Variants in OPHN1 observed in about 807,000 individuals in gnomAD.
The protein encoded by OPHN1 is oligophrenin 1.
A neutral mutation model predicts 60.7 loss-of-function variants in OPHN1; 11 were observed. The observed-to-expected ratio is 0.18, with a 90% CI of 0.11 to 0.30. OPHN1 has a LOEUF of 0.30. Ranked by LOEUF, OPHN1 falls within the 10% of genes least tolerant of loss-of-function variation. The pLI, the probability that OPHN1 is intolerant of heterozygous loss-of-function variation, is 1.00. For missense variants in OPHN1, 449 were observed against 611.0 expected (o/e 0.73, Z 2.80); for synonymous variants, 226 against 222.6 (o/e 1.02, Z -0.14).
At chrX:68,225,812 A>T (rs2077688353) in intron 6 of OPHN1, among the ~76,000 whole-genome samples, 1 of 111,892 alleles carries the variant, frequency 8.9e-6, no homozygotes, top group African/African-American at 3.2e-5. Context: ...AAATCAGAGC[A>T]CCTCTTCTCC....
At chrX:68,356,249 T>G (rs1388260532) in intron 2 of OPHN1, among the ~76,000 whole-genome samples, 1 of 110,317 alleles carries the variant, frequency 9.1e-6, no homozygotes, top group African/African-American at 3.3e-5. Context: ...AGTTGAAGGC[T>G]TAAATAGAAC....
intron 1 of OPHN1, 28 bp downstream of exon 1, chrX:68,433,140 A>T (rs1177658422): frequency 1.4e-6 from 1 of 731,578 alleles, no homozygotes; most frequent in Non-Finnish European, 2.0e-6. Context: ...GGAAGCTCAT[A>T]GCCTCCGTCC....
intron 18 of OPHN1, among the ~76,000 whole-genome samples, chrX:68,106,052 G>C (rs1456527369): frequency 9.9e-6 from 1 of 101,465 alleles, no homozygotes; most frequent in Non-Finnish European, 2.0e-5. Flanking sequence ...ATACAAAAAT[G>C]CATGCACACA....
chrX:68,357,507 G>GT (rs1339963103), intron 2 of OPHN1, among the ~76,000 whole-genome samples: 1 of 109,409 alleles, frequency 9.1e-6, no homozygotes, highest in Non-Finnish European at 1.9e-5. Context: ...GCGGCGTTTG[G>GT]TTTTTTGTCC....
chrX:68,400,279 A>G lies in OPHN1; in HGVS notation c.154+32588T>C, dbSNP rs538031676. Among the ~76,000 whole-genome samples the G allele has an allele frequency of 1.5e-3, 165 of 111,528 alleles. 1 individual carries two copies. The highest frequency in any genetic ancestry group is 5.0e-3 in the African/African-American group (154 of 30,731). On this transcript the variant is annotated intron_variant, in intron 2 of 24. Transcript: ENST00000355520. The stretch of plus-strand genomic sequence containing the variant: ...TTGCTTCATTCTTTCTTTGCTTTGC[A>G]GGGCGTTTTGTCCAATTCTTTGTCC...
intron 2 of OPHN1, among the ~76,000 whole-genome samples, chrX:68,414,827 T>C (rs2078786212): frequency 8.9e-6 from 1 of 111,989 alleles, no homozygotes; most frequent in Non-Finnish European, 1.9e-5. Flanking sequence ...CTCAATTTCC[T>C]AGACAGAGAA....
At chrX:68,387,664 TTAA>T (rs1227922321) in intron 2 of OPHN1, among the ~76,000 whole-genome samples, 1 of 111,754 alleles carries the variant, frequency 8.9e-6, no homozygotes, top group Non-Finnish European at 1.9e-5. Flanking sequence ...ATTTGTGGAA[TTAA>T]TTATTATTTT....
chrX:68,428,645 C>CTA (rs765346416), intron 2 of OPHN1, among the ~76,000 whole-genome samples: 2 of 112,120 alleles, frequency 1.8e-5, no homozygotes, highest in African/African-American at 6.5e-5. Context: ...CATTCGCTAA[C>CTA]TATATATAAC....
intron 15 of OPHN1, among the ~76,000 whole-genome samples, chrX:68,126,037 A>G (rs769734971): frequency 3.9e-5 from 4 of 101,638 alleles, no homozygotes; most frequent in Non-Finnish European, 8.0e-5. Flanking sequence ...AAAATCCTTC[A>G]TCATGACCAA....
At chrX:68,239,103 T>C (rs1007910466) in intron 5 of OPHN1, among the ~76,000 whole-genome samples, 5 of 110,499 alleles carry the variant, frequency 4.5e-5, no homozygotes, top group Non-Finnish European at 9.5e-5. Context: ...GAGTGGGAAG[T>C]TGGTTTTCCC....
intron 3 of OPHN1, among the ~76,000 whole-genome samples, chrX:68,285,209 CT>C (rs1344238485): frequency 1.8e-5 from 2 of 111,429 alleles, no homozygotes; most frequent in Non-Finnish European, 3.8e-5. Context: ...TATTCTTTTT[CT>C]GTTCTCCATT....
chrX:68,065,001 C>T (rs1210322576), intron 20 of OPHN1, among the ~76,000 whole-genome samples: 2 of 109,600 alleles, frequency 1.8e-5, no homozygotes, highest in African/African-American at 6.7e-5. Flanking sequence ...GTGAGGTGGG[C>T]GGAGGGGGGA....
intron 5 of OPHN1, among the ~76,000 whole-genome samples, chrX:68,237,731 T>A (rs2077759641): frequency 8.9e-6 from 1 of 111,796 alleles, no homozygotes; most frequent in Non-Finnish European, 1.9e-5. Context: ...CTACACAATG[T>A]TGTTGAACTC....
chrX:68,261,824 A>T (rs1025550159), intron 5 of OPHN1, among the ~76,000 whole-genome samples: 2 of 111,700 alleles, frequency 1.8e-5, no homozygotes, highest in African/African-American at 6.5e-5. Flanking sequence ...CAAATCCTGG[A>T]TTGTCCACTT....
chrX:68,202,230 C>G (rs2077538161), intron 10 of OPHN1, among the ~76,000 whole-genome samples: 1 of 111,794 alleles, frequency 8.9e-6, no homozygotes, highest in South Asian at 3.8e-4. Flanking sequence ...ACAGAAATCA[C>G]AAATGTAATC....
At chrX:68,069,688 T>C (rs1349040467) in intron 20 of OPHN1, among the ~76,000 whole-genome samples, 2 of 110,008 alleles carry the variant, frequency 1.8e-5, no homozygotes, top group East Asian at 5.8e-4. Flanking sequence ...CATTAAGCCA[T>C]ATAAAGGGAT....
intron 2 of OPHN1, among the ~76,000 whole-genome samples, chrX:68,410,559 CAA>C (rs764471911): frequency 1.4e-4 from 14 of 97,608 alleles, no homozygotes; most frequent in Non-Finnish European, 1.3e-4. Context: ...GAGACTCCAC[CAA>C]AAAAAAAAAA....
intron 15 of OPHN1, among the ~76,000 whole-genome samples, chrX:68,120,972 C>A (rs986824172): frequency 1.8e-5 from 2 of 112,080 alleles, no homozygotes; most frequent in African/African-American, 6.5e-5. Flanking sequence ...CTATCTTACA[C>A]TGTATACAAA....
At chrX:68,205,617 G>A (rs7886277) in intron 10 of OPHN1, among the ~76,000 whole-genome samples, 6,187 of 111,042 alleles carry the variant, frequency 0.056, 435 homozygotes, top group African/African-American at 0.19. Context: ...AATTTCAGTA[G>A]CCTGAAAGCA....
Sources: allele counts gnomAD v4.1 joint callset (sites outside exome capture counted in the v4.1 genomes callset), GRCh38; gene constraint gnomAD v4.1.1; transcripts MANE v1.5; gene names NCBI Gene and HGNC (gene_info 2026-07-23, HGNC 2026-07-21).